The following THSD7B variants were observed in gnomAD, a reference collection of about 807,000 sequenced individuals.
THSD7B encodes the protein thrombospondin type-1 domain-containing protein 7B.
THSD7B carries 138 observed loss-of-function variants against 213.6 expected under a neutral mutation model. The ratio of observed to expected loss-of-function variants is 0.65; its 90% CI spans 0.56 to 0.74. The LOEUF (loss-of-function observed/expected upper bound fraction) is 0.74. Ranked by LOEUF, THSD7B falls within the 30% of genes least tolerant of loss-of-function variation. The pLI is 0.00. For synonymous variants in THSD7B, 742 were observed against 687.0 expected, an observed-to-expected ratio of 1.08 and a Z score of -1.25; for missense variants, 1,931 against 1,991.5, an observed-to-expected ratio of 0.97 and a Z score of 0.58.
At chr2:136,897,220 G>A (rs774636061) in intron 2 of THSD7B, among the ~76,000 whole-genome samples, 3 of 152,106 alleles carry the variant, frequency 2.0e-5, no homozygotes, top group East Asian at 3.9e-4. Context: ...GGTTCCTTCC[G>A]GTGGGTTCTT....
chr2:137,463,570 A>G (rs1254214175), intron 15 of THSD7B, among the ~76,000 whole-genome samples: 2 of 152,050 alleles, frequency 1.3e-5, no homozygotes, highest in African/African-American at 4.8e-5. Context: ...GACCACCAGG[A>G]TGGCCAAATA....
intron 1 of THSD7B, among the ~76,000 whole-genome samples, chr2:136,845,341 T>C (rs1354654337): frequency 1.3e-5 from 2 of 152,176 alleles, no homozygotes; most frequent in Non-Finnish European, 2.9e-5. Context: ...AGTGCAAGAA[T>C]TTAGGACCTG....
chr2:136,850,913 G>T (rs1422255314), intron 1 of THSD7B, among the ~76,000 whole-genome samples: 1 of 151,850 alleles, frequency 6.6e-6, no homozygotes, highest in Non-Finnish European at 1.5e-5. Flanking sequence ...TTTGAACTCA[G>T]CCAGGAGTGA....
At chr2:137,021,677 A>C (rs1385625281) in intron 2 of THSD7B, among the ~76,000 whole-genome samples, 1 of 152,196 alleles carries the variant, frequency 6.6e-6, no homozygotes, top group Non-Finnish European at 1.5e-5. Context: ...ATTGACATTG[A>C]TGTAGTTAGA....
In THSD7B at chr2:137,337,655, C is replaced by A. The variant is rs182497523; in HGVS notation, c.2500+61629C>A. ...TTTTAGCAACTATCAGTGATTCTTA[C>A]CCACAAAATTTATAAATGTGGTGAT... On this transcript the variant is annotated intron_variant, in intron 12 of 27. Coordinates refer to ENST00000409968, the MANE Select transcript of THSD7B (RefSeq NM_001316349.2). Among the ~76,000 whole-genome samples the A allele has an allele frequency of 7.5e-4, 114 of 152,110 alleles. 1 individual carries two copies. Among genetic ancestry groups the A allele is most frequent in the African/African-American group, 2.6e-3 (110 of 41,522 alleles).
At chr2:137,175,783 TTTTACG>T (rs1419608497) in intron 7 of THSD7B, among the ~76,000 whole-genome samples, 1 of 152,214 alleles carries the variant, frequency 6.6e-6, no homozygotes, top group African/African-American at 2.4e-5. Context: ...CTTTAAATGT[TTTTACG>T]TCTGTGATTG....
At chr2:137,594,704 C>A (rs1681927645) in intron 17 of THSD7B, among the ~76,000 whole-genome samples, 1 of 151,918 alleles carries the variant, frequency 6.6e-6, no homozygotes, top group Admixed American at 6.6e-5. Flanking sequence ...TATGTCTTAG[C>A]ATTTCCATGT....
At chr2:137,197,945 C>T (rs1376592292) in intron 7 of THSD7B, among the ~76,000 whole-genome samples, 2 of 152,176 alleles carry the variant, frequency 1.3e-5, no homozygotes, top group African/African-American at 2.4e-5. Context: ...CGCACACACT[C>T]ATGCACACGT....
chr2:137,160,127 G>A (rs1679986879), intron 5 of THSD7B, 86 bp from the exon 6 acceptor site: 2 of 1,400,728 alleles, frequency 1.4e-6, no homozygotes, highest in Non-Finnish European at 1.9e-6. Context: ...TGTTTTATTT[G>A]CAAGACAGGC....
chr2:136,787,599 T>C (rs891981459), intron 1 of THSD7B, among the ~76,000 whole-genome samples: 1 of 152,190 alleles, frequency 6.6e-6, no homozygotes, highest in Non-Finnish European at 1.5e-5. Flanking sequence ...CAAAATCTCT[T>C]GGAGATTTGG....
intron 7 of THSD7B, among the ~76,000 whole-genome samples, chr2:137,202,319 G>A (rs1275601443): frequency 1.3e-5 from 2 of 152,066 alleles, no homozygotes; most frequent in African/African-American, 4.8e-5. Flanking sequence ...TGTGGTTAAG[G>A]ATTTGAGGTA....
intron 12 of THSD7B, among the ~76,000 whole-genome samples, chr2:137,278,327 T>C (rs1263555577): frequency 6.6e-6 from 1 of 152,120 alleles, no homozygotes; most frequent in Non-Finnish European, 1.5e-5. Flanking sequence ...ACCCAGAGTT[T>C]TTGAATAAGA....
At chr2:136,920,569 A>G (rs1005270599) in intron 2 of THSD7B, among the ~76,000 whole-genome samples, 2 of 152,182 alleles carry the variant, frequency 1.3e-5, no homozygotes, top group African/African-American at 2.4e-5. Context: ...AAAGGCTTCA[A>G]TGAAGTTCTG....
chr2:137,323,875 T>C (rs1462911479), intron 12 of THSD7B, among the ~76,000 whole-genome samples: 2 of 152,230 alleles, frequency 1.3e-5, no homozygotes, highest in African/African-American at 2.4e-5. Flanking sequence ...ATGCTCTGGC[T>C]CTAGCAAAGC....
intron 12 of THSD7B, among the ~76,000 whole-genome samples, chr2:137,283,956 A>G (rs1237933137): frequency 1.3e-5 from 2 of 152,094 alleles, no homozygotes; most frequent in Non-Finnish European, 2.9e-5. Flanking sequence ...GTTGATTGGA[A>G]TAGTTTCAGA....
chr2:137,099,352 T>C (rs1239105151), intron 4 of THSD7B, among the ~76,000 whole-genome samples: 1 of 152,142 alleles, frequency 6.6e-6, no homozygotes, highest in East Asian at 1.9e-4. Flanking sequence ...GCAAAAAGCA[T>C]TCTAACACTG....
At chr2:136,770,264 A>G (rs1056326609) in intron 1 of THSD7B, among the ~76,000 whole-genome samples, 1 of 152,176 alleles carries the variant, frequency 6.6e-6, no homozygotes, top group African/African-American at 2.4e-5. Flanking sequence ...GTATGCATAC[A>G]TGAAAGATTT....
chr2:137,136,462 A>G (rs1679464028), intron 5 of THSD7B, among the ~76,000 whole-genome samples: 1 of 152,210 alleles, frequency 6.6e-6, no homozygotes, highest in South Asian at 2.1e-4. Flanking sequence ...ATGCAAAGGA[A>G]GGATTCAAAC....
rs187991032 is a variant in THSD7B at position 137,627,128 on chromosome 2, G to A, written c.3799+6402G>A. ...TCACATGGTGAGAAAGAGAACAAGA[G>A]CAAGAAGCCAAGAAAGCCACACACT... On this transcript the variant is annotated intron_variant, in intron 20 of 27. Coordinates refer to ENST00000409968, the MANE Select transcript of THSD7B (RefSeq NM_001316349.2). Among the ~76,000 whole-genome samples the A allele has an allele frequency of 5.9e-5, 9 of 152,300 alleles. No individual in the cohort carries two copies. The East Asian group carries it at 1.4e-3, about 23-fold the overall frequency.
Sources: allele counts gnomAD v4.1 joint callset (sites outside exome capture counted in the v4.1 genomes callset), GRCh38; gene constraint gnomAD v4.1.1; transcripts MANE v1.5; gene names NCBI Gene and HGNC (gene_info 2026-07-23, HGNC 2026-07-21).